Variants in ALPL observed in about 807,000 individuals in gnomAD.
ALPL encodes the protein alkaline phosphatase, tissue-nonspecific isozyme.
Under a neutral mutation model 51.3 loss-of-function variants are expected in ALPL, and 42 were observed. The observed-to-expected ratio is 0.82, with a 90% confidence interval of 0.64 to 1.06. ALPL has a LOEUF of 1.06. Ranked by LOEUF, ALPL falls within the 50% of genes least tolerant of loss-of-function variation. The pLI is 0.00. For synonymous variants in ALPL, 279 were observed against 296.4 expected (o/e 0.94, Z 0.60); for missense variants, 589 against 709.4 (o/e 0.83, Z 1.93).
At chr1:21,514,602 C>A (rs996990810) in intron 1 of ALPL, among the ~76,000 whole-genome samples, 1 of 152,092 alleles carries the variant, frequency 6.6e-6, no homozygotes, top group Admixed American at 6.5e-5. Context: ...TGGTTACATG[C>A]GGGGGGCTCT....
chr1:21,519,820 G>A (rs2148063903), intron 1 of ALPL, among the ~76,000 whole-genome samples: 1 of 152,214 alleles, frequency 6.6e-6, no homozygotes, highest in Middle Eastern at 3.4e-3. Context: ...GAAGATTGAG[G>A]CTCAGGGAGG....
At chr1:21,563,020 GCCCCAGT>G (rs1369780227) in intron 4 of ALPL, 83 bp from the exon 5 acceptor site, 23 of 1,544,528 alleles carry the variant, frequency 1.5e-5, no homozygotes, top group Non-Finnish European at 2.0e-5. Flanking sequence ...GGTCCCTCAC[GCCCCAGT>G]CCCCATGGTG....
intron 1 of ALPL, among the ~76,000 whole-genome samples, chr1:21,526,892 G>A (rs1257235523): frequency 6.6e-6 from 1 of 151,964 alleles, no homozygotes; most frequent in African/African-American, 2.4e-5. Flanking sequence ...TTGCTCCCCT[G>A]CCTCTCTTCA....
At chr1:21,570,657 G>C (rs142795727) in intron 8 of ALPL, among the ~76,000 whole-genome samples, 1 of 152,198 alleles carries the variant, frequency 6.6e-6, no homozygotes, top group Non-Finnish European at 1.5e-5. Flanking sequence ...ACAGCGGTAC[G>C]GCCCAGGCAA....
chr1:21,539,512 C>T (rs910121428), intron 1 of ALPL, among the ~76,000 whole-genome samples: 1 of 152,192 alleles, frequency 6.6e-6, no homozygotes, highest in Non-Finnish European at 1.5e-5. Context: ...GGCATCCAAG[C>T]TGCGCCTTGA....
chr1:21,565,165 C>T (rs904275828), intron 6 of ALPL, among the ~76,000 whole-genome samples: 19 of 152,318 alleles, frequency 1.2e-4, no homozygotes, highest in African/African-American at 4.6e-4. Flanking sequence ...GCCCTCCATG[C>T]ACTGCCCCCC....
intron 6 of ALPL, among the ~76,000 whole-genome samples, chr1:21,566,650 C>T (rs927000422): frequency 7.2e-5 from 11 of 151,828 alleles, no homozygotes; most frequent in Admixed American, 3.3e-4. Context: ...AGTGCAGTGG[C>T]GTGATCATGG....
At chr1:21,519,279 G>A (rs1341019313) in intron 1 of ALPL, among the ~76,000 whole-genome samples, 1 of 152,220 alleles carries the variant, frequency 6.6e-6, no homozygotes, top group Non-Finnish European at 1.5e-5. Context: ...CACACCTGGG[G>A]TGGGCCCTGG....
At chr1:21,538,503 C>T (rs546688466) in intron 1 of ALPL, among the ~76,000 whole-genome samples, 2 of 152,324 alleles carry the variant, frequency 1.3e-5, no homozygotes, top group Admixed American at 1.3e-4. Context: ...CCCAGGGATT[C>T]GGCTTGTGCT....
Position 21,564,261 on chromosome 1 carries a change from C to T in ALPL, c.648+45C>T. 1 of 1,607,046 alleles carries T rather than the reference C, an allele frequency of 6.2e-7. No individual in the cohort carries two copies. The highest frequency in any genetic ancestry group is 8.5e-7 in the Non-Finnish European group (1 of 1,177,532). On this transcript the variant is annotated intron_variant, in intron 6 of 11. Coordinates refer to ENST00000374840, the MANE Select transcript of ALPL (RefSeq NM_000478.6). The surrounding 1 kb of genome is among the most constrained non-coding windows in gnomAD (Gnocchi z 5.8). Reference sequence around the variant, plus strand: ...CGGGCAGGGACGGGGTGAGGCGGGGCCTCTGGTGGGCAGGAGGCCTCAGGC... The same window carrying T: ...CGGGCAGGGACGGGGTGAGGCGGGGTCTCTGGTGGGCAGGAGGCCTCAGGC...
chr1:21,530,429 T>C (rs1644012530), intron 1 of ALPL, among the ~76,000 whole-genome samples: 1 of 152,226 alleles, frequency 6.6e-6, no homozygotes. Flanking sequence ...TGTTTGATGC[T>C]GTGTCTTTGG....
rs192944560 is a variant in ALPL at position 21,552,574 on chromosome 1, T to C, written c.-104-1404T>C. Among the ~76,000 whole-genome samples, 344 of 152,192 alleles carry C rather than the reference T, an allele frequency of 2.3e-3. 1 individual carries two copies. Among genetic ancestry groups the C allele is most frequent in the Middle Eastern group, 6.8e-3 (2 of 294 alleles). On this transcript the variant is annotated intron_variant, in intron 1 of 11. Coordinates refer to ENST00000374840, the MANE Select transcript of ALPL (RefSeq NM_000478.6). ...AAAAGAAAAGAAACTTTTAAAAAAT[T>C]AAAATACAAAAATTTTTCTTAGAGA... is the stretch of plus-strand genomic sequence containing the variant.
intron 1 of ALPL, among the ~76,000 whole-genome samples, chr1:21,545,628 C>T (rs1222501907): frequency 2.0e-5 from 3 of 152,062 alleles, no homozygotes; most frequent in East Asian, 1.9e-4. Flanking sequence ...ATGTCGCCAA[C>T]TGTTCAAACC....
At chr1:21,554,829 C>CTT (rs1644385220) in intron 2 of ALPL, among the ~76,000 whole-genome samples, 1 of 122,972 alleles carries the variant, frequency 8.1e-6, no homozygotes, top group African/African-American at 3.0e-5. Flanking sequence ...TTCTTTCTTT[C>CTT]TTTCTTTCTT....
chr1:21,524,739 A>C (rs545085753), intron 1 of ALPL, among the ~76,000 whole-genome samples: 1 of 152,288 alleles, frequency 6.6e-6, no homozygotes, highest in South Asian at 2.1e-4. Context: ...GCAGGAGTTG[A>C]GCAAATAGCA....
At chr1:21,515,877 T>TTGA (rs1049094188) in intron 1 of ALPL, among the ~76,000 whole-genome samples, 1 of 150,752 alleles carries the variant, frequency 6.6e-6, no homozygotes, top group Non-Finnish European at 1.5e-5. Flanking sequence ...TGTTTTGTTG[T>TTGA]TGTTGTTTTT....
At chr1:21,512,411 G>C (rs1643707586) in intron 1 of ALPL, among the ~76,000 whole-genome samples, 1 of 152,076 alleles carries the variant, frequency 6.6e-6, no homozygotes, top group Non-Finnish European at 1.5e-5. Flanking sequence ...TTCCAACTTT[G>C]GGCTGAACCA....
At chr1:21,572,926 C>T (rs1239410903) in intron 8 of ALPL, among the ~76,000 whole-genome samples, 1 of 152,242 alleles carries the variant, frequency 6.6e-6, no homozygotes, top group Non-Finnish European at 1.5e-5. Flanking sequence ...CTAGCGGCCC[C>T]ATCGAGTCCA....
chr1:21,536,648 G>C (rs1558534686), intron 1 of ALPL, among the ~76,000 whole-genome samples: 1 of 152,190 alleles, frequency 6.6e-6, no homozygotes, highest in East Asian at 1.9e-4. Context: ...CAAGCAGACA[G>C]AGTCTTCCAG....
Sources: gnomAD v4.1 joint callset for allele counts (sites outside exome capture counted in the v4.1 genomes callset) on GRCh38, gnomAD v4.1.1 for gene constraint, Gnocchi (gnomAD v3.1) non-coding constraint, MANE v1.5 for transcripts, NCBI Gene and HGNC (gene_info 2026-07-23, HGNC 2026-07-21) for gene names.